Variants in SEL1L3 observed in about 807,000 individuals in gnomAD.
SEL1L3 encodes SEL1L family member 3.
In SEL1L3, 76 loss-of-function variants were observed where a neutral mutation model predicts 142.8. The ratio of observed to expected loss-of-function variants is 0.53; its 90% CI spans 0.44 to 0.64. SEL1L3 has a LOEUF of 0.64. Ranked by LOEUF, SEL1L3 falls within the 30% of genes least tolerant of loss-of-function variation. SEL1L3 has a pLI of 0.00. For synonymous variants in SEL1L3, 504 were observed against 519.6 expected (o/e 0.97, Z 0.41); for missense variants, 1,262 against 1,381.7 (o/e 0.91, Z 1.37).
chr4:25,777,786 T>C (rs912332195), intron 16 of SEL1L3: 45 of 455,722 alleles, frequency 9.9e-5, no homozygotes, highest in African/African-American at 8.4e-4. Context: ...ATCACCAAGG[T>C]CAGGTCAGGT....
chr4:25,830,124 C>A lies in SEL1L3; in HGVS notation c.1131G>T (p.Leu377Phe). The A allele has an allele frequency of 6.2e-7, 1 of 1,611,514 alleles. No individual in the cohort carries two copies. The highest frequency in any genetic ancestry group is 1.3e-5 in the African/African-American group (1 of 74,996). Reference protein sequence around the residue: ...IVVTTSIGQDLKSYHNQTISF... With the variant: ...IVVTTSIGQDFKSYHNQTISF... ...TAATGGTCTGATTGTGGTAGCTTTT[C>A]AAATCCTGTCCAATGCTAGTGGTTA... The change falls in exon 6 of 24, where the codon TTG becomes TTT. Residue 377 changes from leucine (L) to phenylalanine (F), a missense_variant. By Grantham distance (22) the Leu-to-Phe change is conservative. Around this residue, in one of 3 missense-constraint regions of SEL1L3, gnomAD observed 689 missense variants for 692.8 expected, o/e 0.99. Coordinates refer to ENST00000399878, the MANE Select transcript of SEL1L3 (RefSeq NM_015187.5).
At chr4:25,717,943 TA>T in the SEL1L3 span, 1 of 152,166 alleles carries the variant, frequency 6.6e-6, no homozygotes, top group African/African-American at 2.4e-5. Flanking sequence ...TCTAATCCTT[TA>T]AAAGTTGAGA....
chr4:25,741,578 C>G, the SEL1L3 span, among the ~76,000 whole-genome samples: 9 of 151,870 alleles, frequency 5.9e-5, no homozygotes, highest in Admixed American at 1.3e-4. Context: ...AGGTTCTGCC[C>G]CTTGTTGTGG....
chr4:25,758,754 TC>T (rs1718170538), intron 21 of SEL1L3, among the ~76,000 whole-genome samples, 186 bp downstream of exon 21: 1 of 151,926 alleles, frequency 6.6e-6, no homozygotes, highest in African/African-American at 2.4e-5. Flanking sequence ...CCTCAAGTGA[TC>T]TGCCCGCCTC....
intron 19 of SEL1L3, among the ~76,000 whole-genome samples, chr4:25,767,160 C>G (rs56241838): frequency 0.049 from 7,381 of 152,074 alleles, 192 homozygotes; most frequent in Middle Eastern, 0.071. Context: ...TGGGCGTGGT[C>G]GTGGGCACCT....
chr4:25,721,711 G>A, the SEL1L3 span, among the ~76,000 whole-genome samples: 8 of 152,332 alleles, frequency 5.3e-5, no homozygotes, highest in East Asian at 7.7e-4. Flanking sequence ...AGGCTTCAGC[G>A]AAGGCTGCAA....
In SEL1L3 at chr4:25,802,451, A is replaced by G. The variant is rs530267652; in HGVS notation, c.1788T>C (p.Tyr596=). 6.2e-7 allele frequency: 1 copy of G among 1,612,834 alleles called. No homozygotes were observed. The highest frequency in any genetic ancestry group is 1.3e-5 in the African/African-American group (1 of 75,002). The change falls in exon 11 of 24, where the codon TAT becomes TAC. Residue 596 remains tyrosine, a synonymous_variant. Transcript: ENST00000399878. The part of the protein sequence containing the change: ...VPRDQLQGML[Y]SLVGGQGSER... The stretch of plus-strand genomic sequence containing the variant: ...CACTCCCCTGGCCTCCAACCAAACT[A>G]TACAACATGCCCTGTTAGGAAGAAA...
chr4:25,833,364 C>T, intron 4 of SEL1L3, 84 bp downstream of exon 4: 1 of 1,333,856 alleles, frequency 7.5e-7, no homozygotes, highest in Non-Finnish European at 1.0e-6. Flanking sequence ...ACAGGATCTT[C>T]CTTATTCTAG....
intron 9 of SEL1L3, among the ~76,000 whole-genome samples, chr4:25,817,176 T>C (rs548209907): frequency 1.8e-4 from 28 of 152,208 alleles, no homozygotes; most frequent in Non-Finnish European, 3.2e-4. Flanking sequence ...TGCAGGATGG[T>C]CACTATTTGC....
chr4:25,748,622 A>G (rs1717396500), intron 23 of SEL1L3, 58 bp from the exon 24 acceptor site: 18 of 1,555,726 alleles, frequency 1.2e-5, no homozygotes, highest in Non-Finnish European at 1.5e-5. Flanking sequence ...TTCAGAATGT[A>G]CAACCACACC....
chr4:25,863,032 G>C (rs1717852490), upstream of SEL1L3: 1 of 119,716 alleles, frequency 8.4e-6, no homozygotes, highest in South Asian at 2.6e-4. Flanking sequence ...GCCGAGCGCC[G>C]GCTCCTCCCC....
the SEL1L3 span, among the ~76,000 whole-genome samples, chr4:25,731,246 A>G: frequency 6.6e-6 from 1 of 152,218 alleles, no homozygotes; most frequent in African/African-American, 2.4e-5. Context: ...TTAAGTGAGT[A>G]AGATGTTTGT....
chr4:25,773,862 T>G (rs1719413102), intron 17 of SEL1L3, among the ~76,000 whole-genome samples: 1 of 152,230 alleles, frequency 6.6e-6, no homozygotes, highest in African/African-American at 2.4e-5. Context: ...GTTCCCTGCC[T>G]GGCTAAGTGG....
intron 1 of SEL1L3, among the ~76,000 whole-genome samples, chr4:25,856,460 C>T (rs567577904): frequency 6.6e-6 from 1 of 152,152 alleles, no homozygotes; most frequent in Admixed American, 6.5e-5. Flanking sequence ...GAGCTGGGCC[C>T]TGAAAAATGC....
intron 11 of SEL1L3, among the ~76,000 whole-genome samples, chr4:25,793,055 C>A (rs1405585062): frequency 6.6e-6 from 1 of 152,192 alleles, no homozygotes; most frequent in African/African-American, 2.4e-5. Context: ...CTCATCAAAT[C>A]TTTGCAACCT....
intron 6 of SEL1L3, among the ~76,000 whole-genome samples, chr4:25,829,742 C>A (rs1242795531): frequency 6.6e-6 from 1 of 152,148 alleles, no homozygotes; most frequent in Non-Finnish European, 1.5e-5. Context: ...CCAAAGTTAC[C>A]AACCATTCTC....
At chr4:25,727,177 G>A in the SEL1L3 span, among the ~76,000 whole-genome samples, 40 of 151,990 alleles carry the variant, frequency 2.6e-4, 2 homozygotes, top group African/African-American at 8.4e-4. Flanking sequence ...CTCAGCCTCC[G>A]AAGTAGCTGG....
chr4:25,732,168 T>A, the SEL1L3 span, among the ~76,000 whole-genome samples: 1 of 152,126 alleles, frequency 6.6e-6, no homozygotes, highest in Non-Finnish European at 1.5e-5. Flanking sequence ...TTATTTCTCT[T>A]GGGTAATTAC....
chr4:25,814,283 T>C (rs1403737855), intron 9 of SEL1L3, among the ~76,000 whole-genome samples: 1 of 152,162 alleles, frequency 6.6e-6, no homozygotes, highest in East Asian at 1.9e-4. Context: ...CACAGCCCCA[T>C]TTTGATTCTA....
Sources: gnomAD v4.1 joint callset for allele counts (sites outside exome capture counted in the v4.1 genomes callset) on GRCh38, gnomAD v4.1.1 for gene constraint, gnomAD v4.1.1 regional missense constraint, MANE v1.5 for transcripts, NCBI Gene and HGNC (gene_info 2026-07-23, HGNC 2026-07-21) for gene names.